The following SSH2 variants were observed in gnomAD, a reference collection of about 807,000 sequenced individuals.
SSH2 encodes slingshot protein phosphatase 2.
A neutral mutation model predicts 135.2 loss-of-function variants in SSH2; 37 were observed. The observed-to-expected ratio is 0.27, with a 90% CI of 0.21 to 0.36. SSH2 has a LOEUF of 0.36. Ranked by LOEUF, SSH2 falls within the 10% of genes least tolerant of loss-of-function variation. The pLI, the probability that SSH2 is intolerant of heterozygous loss-of-function variation, is 1.00. For synonymous variants in SSH2, 628 were observed against 646.2 expected (o/e 0.97, Z 0.43); for missense variants, 1,408 against 1,765.3 (o/e 0.80, Z 3.63).
Position 29,739,777 on chromosome 17 carries a change from T to C in SSH2, c.189-36715A>G, listed in dbSNP as rs532761216. Among the ~76,000 whole-genome samples the C allele has an allele frequency of 2.2e-4, 34 of 152,324 alleles. No individual in the cohort carries two copies. In the South Asian group the frequency reaches 6.4e-3, roughly 29 times the overall value. ...ACCCAACAAAAGGCCCTAGTGATTG[T>C]AGTTTACCTTTGGTTTTTTTATTTG... On this transcript the variant is annotated intron_variant, in intron 3 of 15. Transcript: ENST00000540801.
At position 29,652,391 on chromosome 17, in the gene SSH2, G is replaced by A. The variant is rs114387716; in HGVS notation, c.1080-1591C>T. Among the ~76,000 whole-genome samples, 996 of 152,234 alleles carry A rather than the reference G, an allele frequency of 6.5e-3. 9 individuals are homozygous for A. Among genetic ancestry groups the A allele is most frequent in the Middle Eastern group, 0.02 (6 of 294 alleles). ...CTAGGGATTGTTGGGGCAGGGGTAA[G>A]AAGAAAAATGGAGGTGATTCCTGAA... is the stretch of plus-strand genomic sequence containing the variant. On this transcript the variant is annotated intron_variant, in intron 12 of 15. Coordinates refer to ENST00000540801, the MANE Select transcript of SSH2 (RefSeq NM_001282129.2).
At chr17:29,770,918 A>T (rs553812637) in intron 3 of SSH2, among the ~76,000 whole-genome samples, 1 of 152,346 alleles carries the variant, frequency 6.6e-6, no homozygotes, top group South Asian at 2.1e-4. Context: ...GTGTTTTCAT[A>T]TCCATCTTCA....
chr17:29,804,772 A>G (rs1359343437), intron 2 of SSH2, among the ~76,000 whole-genome samples: 1 of 151,462 alleles, frequency 6.6e-6, no homozygotes, highest in African/African-American at 2.4e-5. Context: ...CCTGGGTTCA[A>G]GTGTTCTCTC....
chr17:29,662,999 G>C (rs926343940), intron 11 of SSH2, among the ~76,000 whole-genome samples: 2 of 152,218 alleles, frequency 1.3e-5, no homozygotes, highest in African/African-American at 4.8e-5. Flanking sequence ...GCCTCCAGGA[G>C]AGCTGATGAT....
intron 15 of SSH2, among the ~76,000 whole-genome samples, chr17:29,635,723 G>A (rs115047773): frequency 0.014 from 2,109 of 152,220 alleles, 58 homozygotes; most frequent in African/African-American, 0.048. Flanking sequence ...TGGACTTCTC[G>A]TTGTTCAGCC....
chr17:29,673,967 T>A (rs950674632), intron 8 of SSH2: 9 of 363,888 alleles, frequency 2.5e-5, no homozygotes, highest in African/African-American at 1.9e-4. Context: ...CTGACAAACA[T>A]TCTTAGAGCT....
intron 2 of SSH2, among the ~76,000 whole-genome samples, chr17:29,831,259 AC>A (rs139373365): frequency 0.084 from 12,766 of 152,164 alleles, 818 homozygotes; most frequent in East Asian, 0.18. Flanking sequence ...TGCAGACATA[AC>A]CTATACGCTA....
intron 3 of SSH2, among the ~76,000 whole-genome samples, chr17:29,752,537 A>G (rs1475820320): frequency 6.6e-6 from 1 of 152,182 alleles, no homozygotes; most frequent in African/African-American, 2.4e-5. Context: ...GATGTTTTAA[A>G]GAGTTAAATA....
At chr17:29,671,617 T>G (rs2037498089) in intron 9 of SSH2, among the ~76,000 whole-genome samples, 1 of 152,256 alleles carries the variant, frequency 6.6e-6, no homozygotes, top group Non-Finnish European at 1.5e-5. Flanking sequence ...TTCTTTCAGA[T>G]AATGCAAACT....
intron 3 of SSH2, among the ~76,000 whole-genome samples, chr17:29,706,833 G>A (rs538967437): frequency 1.3e-5 from 2 of 152,246 alleles, no homozygotes; most frequent in Non-Finnish European, 2.9e-5. Flanking sequence ...TGTGAGATAG[G>A]TAGTTTCTCT....
chr17:29,870,171 G>C (rs1280674911), intron 1 of SSH2, among the ~76,000 whole-genome samples: 1 of 151,700 alleles, frequency 6.6e-6, no homozygotes, highest in African/African-American at 2.4e-5. Context: ...CTGGAGACTG[G>C]TTAAATACAT....
Position 29,889,815 on chromosome 17 carries a change from A to C in SSH2, c.63+40123T>G, listed in dbSNP as rs1018202151. Among the ~76,000 whole-genome samples, 15 of 149,668 alleles carry C rather than the reference A, an allele frequency of 1.0e-4. No homozygotes were observed. The South Asian group carries it at 1.5e-3, about 15-fold the overall frequency. Reference sequence around the variant, plus strand: ...CCCCATCTCTACCAAAAAAAAAAAAAAAAAAAAAAAAAACCAGCCAGGTAT... The same window carrying C: ...CCCCATCTCTACCAAAAAAAAAAAACAAAAAAAAAAAAACCAGCCAGGTAT... On this transcript the variant is annotated intron_variant, in intron 1 of 15. Transcript: ENST00000540801.
chr17:29,792,505 G>T lies in SSH2; in HGVS notation c.188+1389C>A, dbSNP rs118064341. 4.6e-5 allele frequency among the ~76,000 whole-genome samples: 7 copies of T among 152,178 alleles called. No homozygotes were observed. The East Asian group carries it at 1.4e-3, about 29-fold the overall frequency. ...GACACTTCTCTTTGCTAAGAGACACGAGAAATTAAGCCTTAAGCCCACAAT... is the reference window on the plus strand; with the variant it reads ...GACACTTCTCTTTGCTAAGAGACACTAGAAATTAAGCCTTAAGCCCACAAT... On this transcript the variant is annotated intron_variant, in intron 3 of 15. Transcript: ENST00000540801.
At chr17:29,716,264 T>A (rs992829620) in intron 3 of SSH2, 1 of 340,614 alleles carries the variant, frequency 2.9e-6, no homozygotes, top group Non-Finnish European at 5.5e-6. Flanking sequence ...TAAGTTCTTA[T>A]TTATTTATTT....
At chr17:29,908,787 A>G (rs1567646736) in intron 1 of SSH2, among the ~76,000 whole-genome samples, 1 of 148,888 alleles carries the variant, frequency 6.7e-6, no homozygotes, top group Non-Finnish European at 1.5e-5. Flanking sequence ...AAAAAAAAAA[A>G]AAAAAAATTG....
intron 1 of SSH2, among the ~76,000 whole-genome samples, chr17:29,898,131 G>C (rs1472027818): frequency 6.6e-6 from 1 of 152,096 alleles, no homozygotes; most frequent in African/African-American, 2.4e-5. Context: ...TTAAAGCAGT[G>C]TGTAGAGGGA....
intron 3 of SSH2, among the ~76,000 whole-genome samples, chr17:29,729,943 TAGAC>T: frequency 6.6e-6 from 1 of 152,176 alleles, no homozygotes; most frequent in East Asian, 1.9e-4. Flanking sequence ...AAAATATAGT[TAGAC>T]AGAATAAATA....
intron 3 of SSH2, among the ~76,000 whole-genome samples, chr17:29,782,652 C>A (rs900281617): frequency 6.6e-6 from 1 of 151,678 alleles, no homozygotes; most frequent in African/African-American, 2.4e-5. Flanking sequence ...GTGGTGCGAT[C>A]TCCGCTCACT....
intron 14 of SSH2, 52 bp downstream of exon 14, chr17:29,648,092 T>C: frequency 6.4e-7 from 1 of 1,550,480 alleles, no homozygotes; most frequent in Non-Finnish European, 8.9e-7. Context: ...ACACTTCATC[T>C]TGCTTTAGGG....
Sources: allele counts gnomAD v4.1 joint callset (sites outside exome capture counted in the v4.1 genomes callset), GRCh38; gene constraint gnomAD v4.1.1; transcripts MANE v1.5; gene names NCBI Gene and HGNC (gene_info 2026-07-23, HGNC 2026-07-21).